OPCML: variants seen among roughly 807,000 people sequenced by gnomAD.
The protein encoded by OPCML is opioid binding protein/cell adhesion molecule like, also known as opioid-binding protein/cell adhesion molecule.
OPCML carries 13 observed loss-of-function variants against 37.8 expected under a neutral mutation model. The ratio of observed to expected loss-of-function variants is 0.34; its 90% CI spans 0.22 to 0.55. The LOEUF is 0.55. Among genes scored for constraint, OPCML ranks in the 20% least tolerant of loss-of-function variants. The pLI is 0.91. For missense variants in OPCML, 341 were observed against 435.6 expected (o/e 0.78, Z 1.93); for synonymous variants, 176 against 168.8 (o/e 1.04, Z -0.33).
intron 3 of OPCML, among the ~76,000 whole-genome samples, chr11:132,613,888 T>C (rs1171129321): frequency 6.6e-6 from 1 of 152,134 alleles, no homozygotes; most frequent in Non-Finnish European, 1.5e-5. Flanking sequence ...TTTTGAAACC[T>C]CTTCTGGGGA....
chr11:132,824,440 G>C (rs757604752), intron 2 of OPCML, among the ~76,000 whole-genome samples: 1 of 152,150 alleles, frequency 6.6e-6, no homozygotes, highest in African/African-American at 2.4e-5. Context: ...CTTGGACACT[G>C]TAACGGTACA....
intron 3 of OPCML, among the ~76,000 whole-genome samples, chr11:132,652,771 A>T (rs185826566): frequency 6.6e-6 from 1 of 152,284 alleles, no homozygotes; most frequent in African/African-American, 2.4e-5. Context: ...CCTTTCCTCC[A>T]TGACTGTCCT....
At chr11:133,317,016 G>A (rs982413807) in intron 1 of OPCML, among the ~76,000 whole-genome samples, 1 of 152,148 alleles carries the variant, frequency 6.6e-6, no homozygotes, top group Non-Finnish European at 1.5e-5. Context: ...TGGCCAACAT[G>A]GTGAAACCCC....
At chr11:132,424,928 G>A (rs1474103512) in intron 7 of OPCML, among the ~76,000 whole-genome samples, 2 of 152,214 alleles carry the variant, frequency 1.3e-5, no homozygotes, top group Non-Finnish European at 2.9e-5. Flanking sequence ...TGAGTAAAGA[G>A]GTGAGATAGC....
intron 2 of OPCML, among the ~76,000 whole-genome samples, chr11:132,672,344 G>A (rs947084330): frequency 2.2e-4 from 34 of 152,246 alleles, no homozygotes; most frequent in East Asian, 1.4e-3. Flanking sequence ...TAAATTATTC[G>A]TCTTGTGCAC....
chr11:133,048,430 C>T (rs939911648), intron 1 of OPCML, among the ~76,000 whole-genome samples: 8 of 152,076 alleles, frequency 5.3e-5, no homozygotes, highest in African/African-American at 1.4e-4. Context: ...CCTAAAACCC[C>T]GTATGAGAAT....
intron 1 of OPCML, among the ~76,000 whole-genome samples, chr11:133,489,509 C>T (rs1431008348): frequency 6.6e-6 from 1 of 152,050 alleles, no homozygotes; most frequent in Non-Finnish European, 1.5e-5. Context: ...GAGAAATGTA[C>T]ATTAAAACAC....
intron 1 of OPCML, among the ~76,000 whole-genome samples, chr11:133,197,445 A>G (rs2136312879): frequency 6.6e-6 from 1 of 152,342 alleles, no homozygotes; most frequent in Middle Eastern, 3.4e-3. Context: ...GTGCCTGCCT[A>G]ATAAACGTGA....
At chr11:133,307,738 C>T (rs1379581493) in intron 1 of OPCML, among the ~76,000 whole-genome samples, 2 of 152,152 alleles carry the variant, frequency 1.3e-5, no homozygotes, top group African/African-American at 2.4e-5. Context: ...ATATCTGCAA[C>T]ATTAACTGTG....
intron 1 of OPCML, among the ~76,000 whole-genome samples, chr11:133,489,961 T>TA (rs1214229483): frequency 6.6e-6 from 1 of 152,062 alleles, no homozygotes. Context: ...TACTCAGTCA[T>TA]AAAAAAATGA....
At chr11:133,120,934 CT>C (rs1361023335) in intron 1 of OPCML, among the ~76,000 whole-genome samples, 9 of 151,988 alleles carry the variant, frequency 5.9e-5, no homozygotes, top group African/African-American at 2.2e-4. Context: ...CATATTAATT[CT>C]TTTTTTAGAC....
chr11:133,142,626 G>A (rs1949839486), intron 1 of OPCML, among the ~76,000 whole-genome samples: 1 of 152,156 alleles, frequency 6.6e-6, no homozygotes, highest in Non-Finnish European at 1.5e-5. Context: ...GCAGTACATA[G>A]CACACAGTAG....
chr11:132,867,287 A>G (rs1398195019), intron 2 of OPCML, among the ~76,000 whole-genome samples: 2 of 152,214 alleles, frequency 1.3e-5, no homozygotes, highest in Non-Finnish European at 1.5e-5. Flanking sequence ...CAATTCATTA[A>G]AATGACAAGA....
At chr11:132,952,565 C>T (rs1247841162) in intron 1 of OPCML, among the ~76,000 whole-genome samples, 2 of 152,190 alleles carry the variant, frequency 1.3e-5, no homozygotes, top group South Asian at 2.1e-4. Context: ...TAAATCCCAA[C>T]CTGCTTCTCT....
intron 2 of OPCML, among the ~76,000 whole-genome samples, chr11:132,661,205 G>A: frequency 6.6e-6 from 1 of 152,078 alleles, no homozygotes; most frequent in Admixed American, 6.5e-5. Context: ...TCTTGGACCT[G>A]GGCCTCCTTA....
intron 1 of OPCML, among the ~76,000 whole-genome samples, chr11:133,435,796 C>T (rs768334335): frequency 6.6e-6 from 1 of 152,168 alleles, no homozygotes; most frequent in Non-Finnish European, 1.5e-5. Context: ...AATTCATGCC[C>T]CGTGAAGAGG....
intron 4 of OPCML, among the ~76,000 whole-genome samples, chr11:132,450,161 T>C (rs2096065037): frequency 6.6e-6 from 1 of 152,230 alleles, no homozygotes; most frequent in South Asian, 2.1e-4. Context: ...ATGTGCTTCC[T>C]CATCACTACA....
At chr11:133,223,397 AG>A (rs1269602833) in intron 1 of OPCML, among the ~76,000 whole-genome samples, 23 of 152,310 alleles carry the variant, frequency 1.5e-4, no homozygotes, top group African/African-American at 4.6e-4. Context: ...GAAACGACTA[AG>A]CAGGTGCCGT....
rs2095942442 is a variant in OPCML, at chr11:132,417,427, A to T, written c.*2766T>A. 1.3e-5 allele frequency: 2 copies of T among 152,226 alleles called. No individual in the cohort carries two copies. 9.4% of individuals were successfully genotyped at this position (152,226 alleles called of 1,614,324 possible). ...CCCCAGACAGATGAGGATCAACTGT[A>T]GCATTTCTCTCCCTCTGAAACGTGG... On this transcript the variant is annotated 3_prime_UTR_variant, in exon 8 of 8. Coordinates refer to ENST00000524381, the MANE Select transcript of OPCML (RefSeq NM_001012393.5).
Sources: gnomAD v4.1 joint callset for allele counts (sites outside exome capture counted in the v4.1 genomes callset) on GRCh38, gnomAD v4.1.1 for gene constraint, MANE v1.5 for transcripts, NCBI Gene and HGNC (gene_info 2026-07-23, HGNC 2026-07-21) for gene names.